Variants in PRKCA observed in about 807,000 individuals in gnomAD.
PRKCA encodes protein kinase C alpha.
PRKCA carries 27 observed loss-of-function variants against 87.0 expected under a neutral mutation model. The ratio of observed to expected loss-of-function variants is 0.31; its 90% CI spans 0.23 to 0.43. The LOEUF (loss-of-function observed/expected upper bound fraction) is 0.43. Among genes scored for constraint, PRKCA ranks in the 20% least tolerant of loss-of-function variants. The pLI is 1.00. For synonymous variants in PRKCA, 329 were observed against 311.1 expected, an observed-to-expected ratio of 1.06 and a Z score of -0.61; for missense variants, 518 against 852.3, an observed-to-expected ratio of 0.61 and a Z score of 4.88.
At position 66,803,844 on chromosome 17, in the gene PRKCA, C is replaced by T. The variant is rs547835081; in HGVS notation, c.1855-29C>T. ...CTCCCGCATTGTCATGTTGACTGACCTTTCCTTCTTTTTGTCTTTTCTCCA... is the reference window on the plus strand; with the variant it reads ...CTCCCGCATTGTCATGTTGACTGACTTTTCCTTCTTTTTGTCTTTTCTCCA... On this transcript the variant is annotated intron_variant, in intron 16 of 16. Coordinates refer to ENST00000413366, the MANE Select transcript of PRKCA (RefSeq NM_002737.3). The surrounding 1 kb of genome is among the most constrained non-coding windows in gnomAD (Gnocchi z 4.4). 6.2e-7 allele frequency: 1 copy of T among 1,609,576 alleles called. No homozygotes were observed. Among genetic ancestry groups the T allele is most frequent in the African/African-American group, 1.3e-5 (1 of 74,964 alleles).
intron 2 of PRKCA, among the ~76,000 whole-genome samples, chr17:66,482,098 C>CAAAAAAAAAAA (rs58719328): frequency 1.0e-4 from 9 of 89,300 alleles, no homozygotes; most frequent in African/African-American, 1.4e-4. Flanking sequence ...AAGACTGTCT[C>CAAAAAAAAAAA]AAAAAAAAAA....
chr17:66,596,125 C>G (rs1455517960), intron 3 of PRKCA, among the ~76,000 whole-genome samples: 1 of 152,136 alleles, frequency 6.6e-6, no homozygotes, highest in East Asian at 1.9e-4. Context: ...GTGCTTGCTC[C>G]CTTAGTCTCT....
At chr17:66,336,273 A>G (rs962442436) in intron 2 of PRKCA, among the ~76,000 whole-genome samples, 5 of 152,200 alleles carry the variant, frequency 3.3e-5, no homozygotes, top group Non-Finnish European at 7.3e-5. Flanking sequence ...TTTACAGTCT[A>G]GTGGAGGAGT....
chr17:66,482,697 A>T (rs1395834460), intron 2 of PRKCA, among the ~76,000 whole-genome samples: 2 of 152,222 alleles, frequency 1.3e-5, no homozygotes, highest in Non-Finnish European at 2.9e-5. Context: ...GGCAGGTACC[A>T]GCAGGTGTAT....
chr17:66,605,020 G>A (rs1970166194), intron 3 of PRKCA, among the ~76,000 whole-genome samples: 1 of 152,122 alleles, frequency 6.6e-6, no homozygotes, highest in Non-Finnish European at 1.5e-5. Context: ...CTTCCTCCAT[G>A]ACCCCAAGGC....
At chr17:66,723,012 C>T (rs367741551) in intron 8 of PRKCA, among the ~76,000 whole-genome samples, 17 of 152,320 alleles carry the variant, frequency 1.1e-4, no homozygotes, top group African/African-American at 3.4e-4. Flanking sequence ...GCAGGCTTTC[C>T]GGAAGTCAGG....
intron 2 of PRKCA, among the ~76,000 whole-genome samples, chr17:66,469,346 G>A (rs1203487448): frequency 6.6e-6 from 1 of 152,144 alleles, no homozygotes; most frequent in Non-Finnish European, 1.5e-5. Flanking sequence ...AATATGAGGG[G>A]TGCTGTGTTT....
chr17:66,757,654 C>G (rs1237861658), intron 13 of PRKCA, among the ~76,000 whole-genome samples: 1 of 150,576 alleles, frequency 6.6e-6, no homozygotes, highest in Non-Finnish European at 1.5e-5. Context: ...TAAAGACTTT[C>G]TCAGACAAAA....
intron 8 of PRKCA, among the ~76,000 whole-genome samples, chr17:66,722,172 A>G (rs934045666): frequency 1.3e-5 from 2 of 152,234 alleles, no homozygotes; most frequent in African/African-American, 2.4e-5. Flanking sequence ...GATTTTCCAT[A>G]TAGTGTATAT....
intron 5 of PRKCA, among the ~76,000 whole-genome samples, chr17:66,661,056 C>T (rs909986443): frequency 1.3e-5 from 2 of 152,170 alleles, no homozygotes; most frequent in Non-Finnish European, 1.5e-5. Flanking sequence ...CCAAGATTCT[C>T]TTTCTGTATC....
intron 13 of PRKCA, among the ~76,000 whole-genome samples, chr17:66,748,171 G>A (rs1456185766): frequency 6.6e-6 from 1 of 152,236 alleles, no homozygotes; most frequent in Admixed American, 6.5e-5. Context: ...TGGGAGGACT[G>A]GGGGCTTCAT....
At chr17:66,317,100 C>T (rs1368949805) in intron 2 of PRKCA, among the ~76,000 whole-genome samples, 1 of 151,630 alleles carries the variant, frequency 6.6e-6, no homozygotes, top group Admixed American at 6.6e-5. Context: ...GGAGATCACG[C>T]CACTGCACTC....
chr17:66,707,537 G>C (rs1420171559), intron 8 of PRKCA, among the ~76,000 whole-genome samples: 1 of 152,184 alleles, frequency 6.6e-6, no homozygotes, highest in Non-Finnish European at 1.5e-5. Context: ...AAACTCACGT[G>C]TGTGACAAAT....
At chr17:66,738,672 C>A in intron 10 of PRKCA, 92 bp from the exon 11 acceptor site, 2 of 983,674 alleles carry the variant, frequency 2.0e-6, no homozygotes, top group Non-Finnish European at 3.2e-6. Context: ...CCCCATTTAA[C>A]TAATGAGAAA....
At chr17:66,700,618 A>G (rs1973035596) in intron 8 of PRKCA, among the ~76,000 whole-genome samples, 1 of 152,242 alleles carries the variant, frequency 6.6e-6, no homozygotes, top group Non-Finnish European at 1.5e-5. Context: ...ATACAAAATC[A>G]AAATACAAAA....
chr17:66,777,341 T>TTA, intron 14 of PRKCA: 1 of 985,376 alleles, frequency 1.0e-6, no homozygotes, highest in Non-Finnish European at 1.2e-6. Flanking sequence ...ACATAAAGCT[T>TTA]TAGCCTGCAT....
intron 3 of PRKCA, among the ~76,000 whole-genome samples, chr17:66,503,685 TTC>T (rs760217630): frequency 9.2e-5 from 14 of 152,214 alleles, no homozygotes; most frequent in South Asian, 8.3e-4. Context: ...ATCTTGAGAA[TTC>T]TCTCTTTCTC....
At chr17:66,737,804 C>T (rs150815503) in intron 10 of PRKCA, among the ~76,000 whole-genome samples, 1 of 152,358 alleles carries the variant, frequency 6.6e-6, no homozygotes, top group Non-Finnish European at 1.5e-5. Flanking sequence ...TGAATCCCAG[C>T]CCAGAGCCTG....
intron 3 of PRKCA, among the ~76,000 whole-genome samples, chr17:66,634,077 T>C (rs2143762185): frequency 6.6e-6 from 1 of 152,340 alleles, no homozygotes; most frequent in Non-Finnish European, 1.5e-5. Context: ...AGAGAAACTT[T>C]GGAAAATCTT....
Sources: allele counts gnomAD v4.1 joint callset (sites outside exome capture counted in the v4.1 genomes callset), GRCh38; gene constraint gnomAD v4.1.1; non-coding constraint Gnocchi (gnomAD v3.1); transcripts MANE v1.5; gene names NCBI Gene and HGNC (gene_info 2026-07-23, HGNC 2026-07-21).